Variants in TBC1D30 observed in about 807,000 individuals in gnomAD.
TBC1D30 encodes the protein TBC1 domain family, member 30.
A neutral mutation model predicts 63.2 loss-of-function variants in TBC1D30; 31 were observed. That is an observed-to-expected ratio of 0.49 (90% CI 0.37 to 0.66). The LOEUF is 0.66. Among genes scored for constraint, TBC1D30 ranks in the 30% least tolerant of loss-of-function variants. TBC1D30 has a pLI of 0.00. For synonymous variants in TBC1D30, 307 were observed against 361.5 expected (o/e 0.85, Z 1.71); for missense variants, 810 against 953.6 (o/e 0.85, Z 1.98).
chr12:64,777,818 G>C (rs929517898), upstream of TBC1D30, among the ~76,000 whole-genome samples: 5 of 152,212 alleles, frequency 3.3e-5, no homozygotes, highest in Non-Finnish European at 4.4e-5. Flanking sequence ...GGAGTGCAGT[G>C]GTGCAATCTC....
chr12:64,878,557 C>T lies in TBC1D30; in HGVS notation c.*2769C>T, dbSNP rs1402212114. ...CTGCAGCTGTTTGGGACATTGTATT[C>T]CTTTGTTTGTCTCTTGTTGTTCTGA... On this transcript the variant is annotated 3_prime_UTR_variant, in exon 12 of 12. Transcript: ENST00000539867. 1.1e-5 allele frequency: 5 copies of T among 456,528 alleles called. No individual in the cohort carries two copies. In the East Asian group the frequency reaches 3.5e-4, roughly 32 times the overall value. The allele number at this position is 456,528 out of a possible 1,614,324, so 28.3% of individuals were successfully genotyped here. A position where few individuals can be genotyped will look rare whatever the true frequency, so the allele number is the denominator to read the frequency against.
intron 6 of TBC1D30, 66 bp downstream of exon 6, chr12:64,836,724 C>T: frequency 7.5e-7 from 1 of 1,331,528 alleles, no homozygotes. Flanking sequence ...TACAAATGAG[C>T]CTAAACATTG....
chr12:64,788,423 A>C (rs1467249865), intron 2 of TBC1D30, among the ~76,000 whole-genome samples: 1 of 152,200 alleles, frequency 6.6e-6, no homozygotes, highest in African/African-American at 2.4e-5. Flanking sequence ...CTGAAAGCAC[A>C]GAATGGTAAA....
intron 8 of TBC1D30, among the ~76,000 whole-genome samples, chr12:64,860,923 A>C (rs751797407): frequency 2.0e-5 from 3 of 152,258 alleles, no homozygotes; most frequent in Non-Finnish European, 4.4e-5. Flanking sequence ...AAAAGCTGAA[A>C]TCATCTTTAG....
intron 1 of TBC1D30, among the ~76,000 whole-genome samples, chr12:64,763,616 T>C (rs1870598508): frequency 6.6e-6 from 1 of 151,482 alleles, no homozygotes; most frequent in Non-Finnish European, 1.5e-5. Context: ...ATTAATTTTT[T>C]TTTTTTTTTT....
At chr12:64,794,929 A>G (rs1872160832) in intron 2 of TBC1D30, among the ~76,000 whole-genome samples, 2 of 152,242 alleles carry the variant, frequency 1.3e-5, no homozygotes, top group Admixed American at 1.3e-4. Context: ...CTCTAAAGAT[A>G]TTATGATAGA....
Position 64,878,113 on chromosome 12 carries a change from G to GT in TBC1D30, c.*2326dup. 1 of 209,536 alleles carries GT rather than the reference G, an allele frequency of 4.8e-6. No homozygotes were observed. Among genetic ancestry groups the GT allele is most frequent in the Non-Finnish European group, 9.9e-6 (1 of 101,224 alleles). 13.0% of individuals were successfully genotyped at this position (209,536 alleles called of 1,614,324 possible). ...ACGTATCTGTTGAATGAATGAATAAGTGAAAGGATAATAGTCCTCTGAGGT... is the reference window on the plus strand; with the variant it reads ...ACGTATCTGTTGAATGAATGAATAAGTTGAAAGGATAATAGTCCTCTGAGGT... On this transcript the variant is annotated 3_prime_UTR_variant, in exon 12 of 12. Transcript: ENST00000539867.
chr12:64,857,306 T>C (rs1480109617), intron 8 of TBC1D30, among the ~76,000 whole-genome samples: 1 of 152,142 alleles, frequency 6.6e-6, no homozygotes, highest in Non-Finnish European at 1.5e-5. Context: ...CGGCAGGTGA[T>C]GAATCCTGCA....
At chr12:64,874,087 CT>C (rs1878860046) in intron 11 of TBC1D30, among the ~76,000 whole-genome samples, 1 of 152,078 alleles carries the variant, frequency 6.6e-6, no homozygotes, top group African/African-American at 2.4e-5. Flanking sequence ...GAGAACAAAG[CT>C]TTTTTGTTCG....
chr12:64,797,319 A>C (rs887446344), intron 2 of TBC1D30, among the ~76,000 whole-genome samples: 3 of 152,216 alleles, frequency 2.0e-5, no homozygotes, highest in African/African-American at 7.2e-5. Context: ...CTTGCACAAC[A>C]TATTTGACCT....
chr12:64,765,230 C>T (rs189616729), intron 1 of TBC1D30, among the ~76,000 whole-genome samples: 90 of 152,146 alleles, frequency 5.9e-4, no homozygotes, highest in African/African-American at 1.9e-3. Flanking sequence ...TCGTGGCTCA[C>T]GCCTGTAATC....
chr12:64,759,521 A>G (rs900388409), exon 1 of TBC1D30: 2 of 494,870 alleles, frequency 4.0e-6, no homozygotes, highest in Non-Finnish European at 7.1e-6. Flanking sequence ...GGAGGGAGGC[A>G]TCAGGCAGTG....
intron 1 of TBC1D30, among the ~76,000 whole-genome samples, chr12:64,772,523 C>T (rs981687485): frequency 7.2e-5 from 11 of 151,866 alleles, no homozygotes; most frequent in African/African-American, 1.9e-4. Flanking sequence ...TCCGCCTCCC[C>T]GGTTCAAGCA....
chr12:64,875,513 G>A lies in TBC1D30; in HGVS notation c.2011G>A (p.Glu671Lys). 1.3e-6 allele frequency: 2 copies of A among 1,536,132 alleles called. No homozygotes were observed. Among genetic ancestry groups the A allele is most frequent in the Admixed American group, 2.0e-5 (1 of 50,992 alleles). The change falls in exon 12 of 12, where the codon GAG becomes AAG. Residue 671 changes from glutamate (E) to lysine (K), a missense_variant. By Grantham distance (56) the Glu-to-Lys change is moderately conservative. This residue lies in a region of TBC1D30 where 450 missense variants were observed against 473.0 expected (regional missense o/e 0.95). Coordinates refer to ENST00000539867, the MANE Select transcript of TBC1D30 (RefSeq NM_015279.2). ...LNQRDAAAETELRVHPPCQRH... is the reference protein window; with the variant it reads ...LNQRDAAAETKLRVHPPCQRH... Reference sequence around the variant, plus strand: ...CCAGAGGGATGCTGCAGCTGAAACTGAGCTCAGGGTGCACCCACCCTGCCA... The same window carrying A: ...CCAGAGGGATGCTGCAGCTGAAACTAAGCTCAGGGTGCACCCACCCTGCCA...
At chr12:64,765,344 C>T (rs754614835) in intron 1 of TBC1D30, among the ~76,000 whole-genome samples, 2 of 151,574 alleles carry the variant, frequency 1.3e-5, no homozygotes, top group African/African-American at 4.8e-5. Flanking sequence ...AAAAAATTAG[C>T]TGGGCATGGT....
At chr12:64,761,381 G>A (rs1312735298) in intron 1 of TBC1D30, among the ~76,000 whole-genome samples, 1 of 152,166 alleles carries the variant, frequency 6.6e-6, no homozygotes, top group East Asian at 1.9e-4. Context: ...ATCTTGAAAA[G>A]GGGCTGAGTA....
chr12:64,829,584 A>G (rs1291223811), intron 3 of TBC1D30, among the ~76,000 whole-genome samples: 1 of 152,112 alleles, frequency 6.6e-6, no homozygotes, highest in Non-Finnish European at 1.5e-5. Flanking sequence ...TTAGATATCT[A>G]ATTTGAAGGT....
rs1408298906 is a variant in TBC1D30, at chr12:64,864,709, A to G, written c.1080A>G (p.Ala360=). 3 of 1,536,370 alleles carry G rather than the reference A, an allele frequency of 2.0e-6. No homozygotes were observed. Among genetic ancestry groups the G allele is most frequent in the Non-Finnish European group, 2.6e-6 (3 of 1,146,992 alleles). The change falls in exon 9 of 12, where the codon GCA becomes GCG. Residue 360 remains alanine, a synonymous_variant. Transcript: ENST00000539867. The stretch of plus-strand genomic sequence containing the variant: ...CTCCGTTCCCTTTCCCACAATTGGC[A>G]GAGTTGAGGGAAAAATACACCTACA... ...SMAPFPFPQL[A]ELREKYTYNI...
intron 2 of TBC1D30, among the ~76,000 whole-genome samples, chr12:64,811,720 G>A (rs1873232267): frequency 6.6e-6 from 1 of 152,104 alleles, no homozygotes; most frequent in Admixed American, 6.6e-5. Flanking sequence ...TTTGTTAACT[G>A]GCAGTGCTAG....
Sources: allele counts gnomAD v4.1 joint callset (sites outside exome capture counted in the v4.1 genomes callset), GRCh38; gene constraint gnomAD v4.1.1; regional missense constraint gnomAD v4.1.1; transcripts MANE v1.5; gene names NCBI Gene and HGNC (gene_info 2026-07-23, HGNC 2026-07-21).